CCNYL1: variants seen among roughly 807,000 people sequenced by gnomAD.
The protein encoded by CCNYL1 is cyclin Y like 1, also known as cyclin-Y-like protein 1.
CCNYL1 carries 16 observed loss-of-function variants against 44.2 expected under a neutral mutation model. The ratio of observed to expected loss-of-function variants is 0.36; its 90% CI spans 0.25 to 0.55. The LOEUF (loss-of-function observed/expected upper bound fraction) is 0.55, where lower values mean the gene tolerates loss of function less well. CCNYL1 is among the 20% of genes least tolerant of loss of function. CCNYL1 has a pLI of 0.85. For missense variants in CCNYL1, 348 were observed against 451.8 expected, an observed-to-expected ratio of 0.77 and a Z score of 2.08; for synonymous variants, 159 against 163.2, an observed-to-expected ratio of 0.97 and a Z score of 0.20.
chr2:207,719,608 A>G (rs188967098), intron 1 of CCNYL1, among the ~76,000 whole-genome samples: 29 of 152,270 alleles, frequency 1.9e-4, no homozygotes, highest in East Asian at 1.2e-3. Flanking sequence ...GCTTATAGCA[A>G]TTGCTCTTGC....
At chr2:207,742,844 C>G (rs376019550) in intron 7 of CCNYL1, among the ~76,000 whole-genome samples, 2 of 152,120 alleles carry the variant, frequency 1.3e-5, no homozygotes, top group East Asian at 1.9e-4. Context: ...TGTGCCTGCT[C>G]GTGATGTTGC....
In CCNYL1 at chr2:207,751,101, AAGAG is replaced by A; in HGVS notation, c.952_955del (p.Arg318HisfsTer4). The A allele has an allele frequency of 1.2e-6, 2 of 1,614,172 alleles. No homozygotes were observed. Among genetic ancestry groups the A allele is most frequent in the Non-Finnish European group, 1.7e-6 (2 of 1,180,014 alleles). On this transcript the variant is annotated frameshift_variant, in exon 9 of 10. Transcript: ENST00000295414. LOFTEE classifies it high-confidence loss of function. ...TTCTATTTGCTCCTCTTAGCAAAGA[AAGAG>A]CACAGAACCTAGAGGTAAGGCTATG...
Position 207,724,882 on chromosome 2 carries a change from A to C in CCNYL1, c.295+8A>C. ...GCAAATCTCAAACGGATGGTAAGAC[A>C]ATACTGTTTTTTCCTTCCAAGGAAA... On this transcript the variant is annotated splice_region_variant and intron_variant, in intron 2 of 9. Coordinates refer to ENST00000295414, the MANE Select transcript of CCNYL1 (RefSeq NM_001330218.2). 5 of 1,601,700 alleles carry C rather than the reference A, an allele frequency of 3.1e-6. No homozygotes were observed. Among genetic ancestry groups the C allele is most frequent in the Non-Finnish European group, 4.3e-6 (5 of 1,172,628 alleles).
At position 207,711,863 on chromosome 2, in the gene CCNYL1, CGA is replaced by C; in HGVS notation, c.-33_-32del. On this transcript the variant is annotated 5_prime_UTR_variant, in exon 1 of 10. Coordinates refer to ENST00000295414, the MANE Select transcript of CCNYL1 (RefSeq NM_001330218.2). ...TGAGGGCGGCGGAGTAGGGGGCGAG[CGA>C]AGGCGGTGGCAGAGAGGAGCGGAGG... The C allele has an allele frequency of 7.5e-7, 1 of 1,337,436 alleles. No individual in the cohort carries two copies. Among genetic ancestry groups the C allele is most frequent in the Non-Finnish European group, 9.7e-7 (1 of 1,032,464 alleles). 82.8% of individuals were successfully genotyped at this position (1,337,436 alleles called of 1,614,324 possible).
intron 5 of CCNYL1, among the ~76,000 whole-genome samples, chr2:207,738,985 G>A (rs1251838033): frequency 6.6e-6 from 1 of 151,980 alleles, no homozygotes; most frequent in Non-Finnish European, 1.5e-5. Flanking sequence ...CTCCCAAAGT[G>A]CTAGGATTAC....
intron 1 of CCNYL1, among the ~76,000 whole-genome samples, chr2:207,723,190 A>G (rs1414375222): frequency 6.6e-6 from 1 of 152,216 alleles, no homozygotes; most frequent in African/African-American, 2.4e-5. Context: ...AGAACAAAGC[A>G]GTTGGTTTAG....
At chr2:207,739,130 A>G (rs1207095013) in intron 5 of CCNYL1, among the ~76,000 whole-genome samples, 1 of 152,254 alleles carries the variant, frequency 6.6e-6, no homozygotes, top group Non-Finnish European at 1.5e-5. Context: ...AATAAGGTAC[A>G]AGTTTCTCCA....
intron 1 of CCNYL1, among the ~76,000 whole-genome samples, chr2:207,713,165 C>G (rs779351072): frequency 6.6e-6 from 1 of 152,130 alleles, no homozygotes. Flanking sequence ...TTTAAAATTC[C>G]CACGGTGGCA....
rs1342623763 is a variant in CCNYL1, at chr2:207,747,048, T to G, written c.641T>G (p.Val214Gly). 2 of 1,612,858 alleles carry G rather than the reference T, an allele frequency of 1.2e-6. No homozygotes were observed. Among genetic ancestry groups the G allele is most frequent in the Non-Finnish European group, 1.7e-6 (2 of 1,179,098 alleles). Residue 214 changes from valine to glycine, a missense_variant and splice_region_variant, in exon 8 of 10, where the codon GTT becomes GGT. Around this residue, in one of 3 missense-constraint regions of CCNYL1, gnomAD observed 45 missense variants for 101.7 expected, o/e 0.44. Transcript: ENST00000295414. Reference protein sequence around the residue: ...LTAECAIVTLVYLERLLTYAE... With the variant: ...LTAECAIVTLGYLERLLTYAE... Reference sequence around the variant, plus strand: ...AAAGACCAGTGCTCTATTTTACAGGTTTACTTAGAAAGGCTTTTAACTTAT... The same window carrying G: ...AAAGACCAGTGCTCTATTTTACAGGGTTACTTAGAAAGGCTTTTAACTTAT...
chr2:207,724,619 A>G (rs971776344), intron 1 of CCNYL1, among the ~76,000 whole-genome samples, 181 bp from the exon 2 acceptor site: 2 of 152,196 alleles, frequency 1.3e-5, no homozygotes, highest in African/African-American at 2.4e-5. Flanking sequence ...ACGTGTGTGG[A>G]GAGATTCTAC....
intron 3 of CCNYL1, among the ~76,000 whole-genome samples, chr2:207,729,265 CACCCCACCCCCCCCA>C (rs2091705331): frequency 1.9e-5 from 2 of 102,702 alleles, no homozygotes; most frequent in East Asian, 4.8e-4. Context: ...CCCCCGCCCC[CACCCCACCCCCCCCA>C]CCCCCCCGCA....
chr2:207,734,948 TAATC>T (rs1465451469), intron 4 of CCNYL1, among the ~76,000 whole-genome samples: 1 of 152,196 alleles, frequency 6.6e-6, no homozygotes, highest in African/African-American at 2.4e-5. Flanking sequence ...ACCTACTGAG[TAATC>T]ATTCAATGTT....
chr2:207,738,547 C>G (rs929050198), intron 5 of CCNYL1, among the ~76,000 whole-genome samples: 1 of 151,858 alleles, frequency 6.6e-6, no homozygotes, highest in Non-Finnish European at 1.5e-5. Flanking sequence ...ACCCAACACT[C>G]CACAAGTGCT....
At chr2:207,712,947 C>T (rs2091563097) in intron 1 of CCNYL1, among the ~76,000 whole-genome samples, 1 of 152,164 alleles carries the variant, frequency 6.6e-6, no homozygotes, top group South Asian at 2.1e-4. Context: ...TCCCGAGTAG[C>T]TGGGATTACA....
intron 8 of CCNYL1, among the ~76,000 whole-genome samples, chr2:207,749,415 G>T (rs2091876607): frequency 1.3e-5 from 2 of 152,022 alleles, no homozygotes; most frequent in Admixed American, 1.3e-4. Flanking sequence ...CCCTTTAAAA[G>T]AATAAGTTAA....
intron 1 of CCNYL1, among the ~76,000 whole-genome samples, chr2:207,719,663 ATTATAC>A (rs2091624545): frequency 6.6e-6 from 1 of 152,146 alleles, no homozygotes; most frequent in South Asian, 2.1e-4. Context: ...TAGTATAAGA[ATTATAC>A]TTGTTTTACA....
At chr2:207,723,487 A>G (rs2091656457) in intron 1 of CCNYL1, among the ~76,000 whole-genome samples, 1 of 152,182 alleles carries the variant, frequency 6.6e-6, no homozygotes, top group Non-Finnish European at 1.5e-5. Flanking sequence ...TAGAGCAATT[A>G]TATTAATATG....
chr2:207,721,548 A>G (rs1404218794), intron 1 of CCNYL1, among the ~76,000 whole-genome samples: 1 of 152,214 alleles, frequency 6.6e-6, no homozygotes. Flanking sequence ...TGTTTATATT[A>G]AGACCTGAGT....
chr2:207,731,174 C>CTT (rs1381876976), intron 3 of CCNYL1, among the ~76,000 whole-genome samples: 2 of 144,196 alleles, frequency 1.4e-5, no homozygotes, highest in African/African-American at 2.5e-5. Flanking sequence ...GTCATTAATT[C>CTT]TTTTTTTTTT....
Sources: allele counts gnomAD v4.1 joint callset (sites outside exome capture counted in the v4.1 genomes callset), GRCh38; gene constraint gnomAD v4.1.1; regional missense constraint gnomAD v4.1.1; transcripts MANE v1.5; gene names NCBI Gene and HGNC (gene_info 2026-07-23, HGNC 2026-07-21).